The following DNAH14 variants were observed in gnomAD, a reference collection of about 807,000 sequenced individuals.
The protein encoded by DNAH14 is dynein axonemal heavy chain 14.
Under a neutral mutation model 520.9 loss-of-function variants are expected in DNAH14, and 478 were observed. The observed-to-expected ratio is 0.92, with a 90% CI of 0.85 to 0.99. The LOEUF is 0.99. Among genes scored for constraint, DNAH14 ranks in the 50% least tolerant of loss-of-function variants. The probability of loss-of-function intolerance (pLI) is 0.00; values close to 1 mark genes in which losing one functional copy is unlikely to be tolerated. For synonymous variants in DNAH14, 1,581 were observed against 1,757.2 expected (o/e 0.90, Z 2.51); for missense variants, 4,831 against 5,234.5 (o/e 0.92, Z 2.38).
chr1:225,385,960 C>T (rs1159859492), intron 81 of DNAH14, among the ~76,000 whole-genome samples: 2 of 152,158 alleles, frequency 1.3e-5, no homozygotes, highest in African/African-American at 2.4e-5. Flanking sequence ...GGAGGCATCA[C>T]GCTACCTGAC....
intron 17 of DNAH14, among the ~76,000 whole-genome samples, chr1:225,063,102 C>A: frequency 6.9e-6 from 1 of 144,662 alleles, no homozygotes. Flanking sequence ...AAAACATGAA[C>A]ATAACAGACA....
Position 225,002,915 on chromosome 1 carries a change from A to G in DNAH14, c.963A>G (p.Ile321Met). Residue 321 changes from isoleucine (I) to methionine (M), a missense_variant, in exon 9 of 86, where the codon ATA (isoleucine) becomes ATG (methionine). By Grantham distance (10) the Ile-to-Met change is conservative (BLOSUM62 1). Coordinates refer to ENST00000682510, the MANE Select transcript of DNAH14 (RefSeq NM_001367479.1). ...ACCATGAAAATAATCTATCTGCCAT[A>G]TGCCTTGTAAAGGTGAGTAGAAGTA... Reference protein sequence around the residue: ...YNDHENNLSAICLVKLDSSRT... With the variant: ...YNDHENNLSAMCLVKLDSSRT... The G allele has an allele frequency of 6.5e-7, 1 of 1,547,746 alleles. No individual in the cohort carries two copies. The highest frequency in any genetic ancestry group is 8.7e-7 in the Non-Finnish European group (1 of 1,144,840).
At chr1:225,338,534 T>C (rs2095110018) in intron 68 of DNAH14, among the ~76,000 whole-genome samples, 1 of 152,104 alleles carries the variant, frequency 6.6e-6, no homozygotes, top group Non-Finnish European at 1.5e-5. Flanking sequence ...AGTTTCTGCC[T>C]CTTTAAAAAA....
chr1:225,169,476 G>A (rs542738047), intron 36 of DNAH14, among the ~76,000 whole-genome samples: 13 of 152,118 alleles, frequency 8.5e-5, no homozygotes, highest in Admixed American at 2.0e-4. Context: ...TGAAAACCAC[G>A]GCACGAGAAC....
chr1:224,992,277 CA>C, intron 8 of DNAH14, among the ~76,000 whole-genome samples: 1 of 152,162 alleles, frequency 6.6e-6, no homozygotes, highest in Non-Finnish European at 1.5e-5. Flanking sequence ...ATAAAAATAA[CA>C]TTAGTATTTT....
At chr1:225,092,216 G>A (rs2074461242) in intron 21 of DNAH14, among the ~76,000 whole-genome samples, 1 of 151,922 alleles carries the variant, frequency 6.6e-6, no homozygotes, top group Non-Finnish European at 1.5e-5. Context: ...TTGATCAAAT[G>A]GACCTAATAG....
intron 84 of DNAH14, chr1:225,396,528 C>T (rs1413861019): frequency 1.3e-5 from 2 of 152,246 alleles, no homozygotes; most frequent in East Asian, 3.8e-4. Flanking sequence ...CCTCTTCCTA[C>T]ATAACCCATT....
intron 17 of DNAH14, among the ~76,000 whole-genome samples, chr1:225,076,925 C>G (rs1209750943): frequency 1.3e-5 from 2 of 151,884 alleles, no homozygotes; most frequent in African/African-American, 4.8e-5. Context: ...AGTATTTCTC[C>G]TAATGCTATC....
At chr1:225,142,576 A>C (rs1573463546) in intron 28 of DNAH14, among the ~76,000 whole-genome samples, 1 of 152,296 alleles carries the variant, frequency 6.6e-6, no homozygotes, top group African/African-American at 2.4e-5. Context: ...TCTGATCCCA[A>C]GGTTTGGTAA....
chr1:225,110,284 T>A (rs2076385899), intron 23 of DNAH14, among the ~76,000 whole-genome samples: 1 of 152,130 alleles, frequency 6.6e-6, no homozygotes, highest in Non-Finnish European at 1.5e-5. Flanking sequence ...TTTGGCAAAA[T>A]TCAGCAGTGA....
intron 21 of DNAH14, among the ~76,000 whole-genome samples, chr1:225,090,801 G>A (rs1406054965): frequency 6.6e-6 from 1 of 152,096 alleles, no homozygotes; most frequent in African/African-American, 2.4e-5. Flanking sequence ...AGATATTTTT[G>A]TGACCTTGCT....
At chr1:225,193,365 A>T (rs1317142833) in intron 38 of DNAH14, among the ~76,000 whole-genome samples, 1 of 151,876 alleles carries the variant, frequency 6.6e-6, no homozygotes, top group Admixed American at 6.6e-5. Context: ...ATCATTAGAT[A>T]AAACACATTA....
chr1:225,388,682 C>A (rs930972595), intron 82 of DNAH14, among the ~76,000 whole-genome samples, 191 bp downstream of exon 82: 2 of 152,194 alleles, frequency 1.3e-5, no homozygotes, highest in African/African-American at 2.4e-5. Flanking sequence ...AGTAAGCTCC[C>A]TCCACTCCAA....
chr1:225,284,922 A>G (rs1000306101), intron 54 of DNAH14, among the ~76,000 whole-genome samples: 3 of 152,172 alleles, frequency 2.0e-5, no homozygotes, highest in African/African-American at 7.2e-5. Context: ...GAAGCACGAC[A>G]AAATCCAACA....
intron 54 of DNAH14, among the ~76,000 whole-genome samples, chr1:225,280,174 T>A (rs1373011572): frequency 6.6e-6 from 1 of 151,674 alleles, no homozygotes; most frequent in African/African-American, 2.4e-5. Context: ...AAAAAGAACA[T>A]CAAAGACCTA....
chr1:225,294,055 G>A lies in DNAH14; in HGVS notation c.8469+3973G>A, dbSNP rs146865308. ...AAAGCTTTGAGCTTTTCCCTATTCA[G>A]TATGATGTTAGCTGTGGGTTTGTCA... On this transcript the variant is annotated intron_variant, in intron 55 of 85. Transcript: ENST00000682510. Among the ~76,000 whole-genome samples the A allele has an allele frequency of 2.1e-3, 320 of 152,224 alleles. 2 individuals carry two copies. Among genetic ancestry groups the A allele is most frequent in the African/African-American group, 7.4e-3 (306 of 41,526 alleles).
intron 21 of DNAH14, among the ~76,000 whole-genome samples, chr1:225,096,704 C>T (rs917125138): frequency 4.6e-5 from 7 of 152,044 alleles, no homozygotes; most frequent in Admixed American, 3.3e-4. Context: ...TTATGTAATA[C>T]ATTAAGGATA....
chr1:225,074,025 A>C (rs1301489319), intron 17 of DNAH14, among the ~76,000 whole-genome samples: 2 of 80,752 alleles, frequency 2.5e-5, no homozygotes, highest in Non-Finnish European at 4.3e-5. Flanking sequence ...TTTGAGACGG[A>C]GTCTCGCTCT....
At position 225,038,699 on chromosome 1, in the gene DNAH14, T is replaced by C; in HGVS notation, c.1364T>C (p.Phe455Ser). ...EKKNENLIRT[F>S]KDNSFPTGKT... ...CTTCCCATTTCTTAATCCAGAACAT[T>C]CAAGGACAACTCTTTTCCTACTGGA... is the stretch of plus-strand genomic sequence containing the variant. Residue 455 changes from phenylalanine (F) to serine (S), a missense_variant, in exon 12 of 86, where the codon TTC becomes TCC. Transcript: ENST00000682510. 6.5e-7 allele frequency: 1 copy of C among 1,529,044 alleles called. No homozygotes were observed. Among genetic ancestry groups the C allele is most frequent in the Non-Finnish European group, 8.8e-7 (1 of 1,140,760 alleles). The allele number at this position is 1,529,044 out of a possible 1,614,324, so 94.7% of individuals were successfully genotyped here.
Sources: gnomAD v4.1 joint callset for allele counts (sites outside exome capture counted in the v4.1 genomes callset) on GRCh38, gnomAD v4.1.1 for gene constraint, MANE v1.5 for transcripts, NCBI Gene and HGNC (gene_info 2026-07-23, HGNC 2026-07-21) for gene names.